C3orf49: variants seen among roughly 807,000 people sequenced by gnomAD.
C3orf49 encodes chromosome 3 open reading frame 49.
Under a neutral mutation model 13.3 loss-of-function variants are expected in C3orf49, and 27 were observed. The ratio of observed to expected loss-of-function variants is 2.02; its 90% CI spans 1.49 to 2.79. The LOEUF is 2.79. C3orf49 is among the 30% of genes most tolerant of loss of function. C3orf49 has a pLI of 0.00. For synonymous variants in C3orf49, 87 were observed against 47.6 expected, an observed-to-expected ratio of 1.83 and a Z score of -3.40; for missense variants, 242 against 134.2, an observed-to-expected ratio of 1.80 and a Z score of -3.97.
intron 5 of C3orf49, chr3:63,836,188 C>G: frequency 1.1e-6 from 1 of 933,336 alleles, no homozygotes. Context: ...TATTGAATAT[C>G]TGACCCCTCC....
upstream of C3orf49, among the ~76,000 whole-genome samples, chr3:63,818,792 A>G (rs1408387962): frequency 2.6e-5 from 4 of 152,202 alleles, no homozygotes; most frequent in Non-Finnish European, 5.9e-5. Flanking sequence ...TAAATGGGGC[A>G]ATGTTGGAAG....
intron 6 of C3orf49, among the ~76,000 whole-genome samples, chr3:63,845,697 T>C (rs1382856338): frequency 6.6e-6 from 1 of 152,098 alleles, no homozygotes; most frequent in Non-Finnish European, 1.5e-5. Context: ...ATTAGCTAAG[T>C]TGGTCAAGGC....
chr3:63,829,130 C>T (rs1295205434), intron 3 of C3orf49, among the ~76,000 whole-genome samples: 1 of 152,146 alleles, frequency 6.6e-6, no homozygotes, highest in Non-Finnish European at 1.5e-5. Context: ...TGTCAGAGTG[C>T]ACTGATACTA....
At chr3:63,834,034 C>T in intron 5 of C3orf49, 1 of 1,234,838 alleles carries the variant, frequency 8.1e-7, no homozygotes, top group Non-Finnish European at 1.1e-6. Context: ...TATTTTACTG[C>T]CAAAACTTTA....
the C3orf49 span, among the ~76,000 whole-genome samples, chr3:63,812,483 A>G: frequency 1.3e-5 from 2 of 152,240 alleles, no homozygotes; most frequent in African/African-American, 4.8e-5. Context: ...ACCCAAACAC[A>G]TAAAAAAGTC....
At chr3:63,784,987 A>T in the C3orf49 span, 2 of 148,726 alleles carry the variant, frequency 1.3e-5, no homozygotes, top group Admixed American at 6.7e-5. Context: ...CTAGTTTTGA[A>T]CTCCTAATCT....
intron 5 of C3orf49, among the ~76,000 whole-genome samples, chr3:63,838,778 T>C (rs948843088): frequency 6.6e-6 from 1 of 152,230 alleles, no homozygotes; most frequent in African/African-American, 2.4e-5. Context: ...TAAAAGACTT[T>C]AGAAATACTT....
the C3orf49 span, among the ~76,000 whole-genome samples, chr3:63,789,171 T>C: frequency 0.21 from 31,914 of 151,858 alleles, 3,351 homozygotes; most frequent in East Asian, 0.26. Flanking sequence ...CTCATTGGAG[T>C]GTGAACCCTA....
At chr3:63,787,763 T>A in the C3orf49 span, among the ~76,000 whole-genome samples, 2 of 152,074 alleles carry the variant, frequency 1.3e-5, no homozygotes, top group Non-Finnish European at 2.9e-5. Context: ...TCCCATTGTA[T>A]CTGTAATGAT....
At chr3:63,809,446 T>C in the C3orf49 span, among the ~76,000 whole-genome samples, 2 of 152,198 alleles carry the variant, frequency 1.3e-5, no homozygotes, top group African/African-American at 4.8e-5. Flanking sequence ...TAAGAAAATA[T>C]CAGTAAGCAC....
chr3:63,791,403 C>G, the C3orf49 span, among the ~76,000 whole-genome samples: 33 of 152,160 alleles, frequency 2.2e-4, no homozygotes, highest in Non-Finnish European at 1.6e-4. Context: ...TTCATTTCAT[C>G]TCTGAATTGA....
intron 5 of C3orf49, chr3:63,832,879 C>G (rs1232003243): frequency 6.6e-6 from 1 of 151,982 alleles, no homozygotes; most frequent in Non-Finnish European, 1.5e-5. Flanking sequence ...TAATTTTAAA[C>G]TTTCATTTTT....
At position 63,835,690 on chromosome 3, in the gene C3orf49, G is replaced by GT. The variant is rs549931265; in HGVS notation, c.849+3852dup. On this transcript the variant is annotated intron_variant, in intron 5 of 6. Transcript: ENST00000295896. ...CATATTGTGAAGTTTAACTTCGAGGGTTTTTTATTTTGGTAAAAGAAATAA... is the reference window on the plus strand; with the variant it reads ...CATATTGTGAAGTTTAACTTCGAGGGTTTTTTTATTTTGGTAAAAGAAATAA... Among the ~76,000 whole-genome samples, 53 of 152,114 alleles carry GT rather than the reference G, an allele frequency of 3.5e-4. No homozygotes were observed. In the East Asian group the frequency reaches 7.9e-3, roughly 23 times the overall value.
At chr3:63,835,265 TATAG>T (rs776123092) in intron 5 of C3orf49, 3 of 1,612,146 alleles carry the variant, frequency 1.9e-6, no homozygotes, top group South Asian at 2.2e-5. Flanking sequence ...GACCTGTATA[TATAG>T]ATATATAGAC....
chr3:63,842,822 A>T (rs2107134217), intron 5 of C3orf49, among the ~76,000 whole-genome samples: 1 of 152,200 alleles, frequency 6.6e-6, no homozygotes, highest in African/African-American at 2.4e-5. Flanking sequence ...TTCACCACTG[A>T]TCTGGCTGGA....
chr3:63,845,672 A>G (rs1701876779), intron 6 of C3orf49, among the ~76,000 whole-genome samples: 1 of 152,198 alleles, frequency 6.6e-6, no homozygotes, highest in Admixed American at 6.5e-5. Context: ...CAGACAAAAA[A>G]GAAACTGAAA....
chr3:63,811,413 C>A, the C3orf49 span, among the ~76,000 whole-genome samples: 150 of 151,970 alleles, frequency 9.9e-4, no homozygotes, highest in African/African-American at 3.5e-3. Context: ...AAAAAACTAG[C>A]CGAGCATGGG....
chr3:63,792,696 ATT>A, the C3orf49 span, among the ~76,000 whole-genome samples: 1 of 152,178 alleles, frequency 6.6e-6, no homozygotes, highest in African/African-American at 2.4e-5. Context: ...AGATAATACA[ATT>A]TTATAGGAGC....
intron 5 of C3orf49, among the ~76,000 whole-genome samples, chr3:63,837,059 T>C (rs765408311): frequency 6.6e-6 from 1 of 151,808 alleles, no homozygotes; most frequent in Non-Finnish European, 1.5e-5. Context: ...AAAAAAAAAC[T>C]TGTAAAAAGA....
Sources: gnomAD v4.1 joint callset for allele counts (sites outside exome capture counted in the v4.1 genomes callset) on GRCh38, gnomAD v4.1.1 for gene constraint, MANE v1.5 for transcripts, NCBI Gene and HGNC (gene_info 2026-07-23, HGNC 2026-07-21) for gene names.